Variants in CNTN5 observed in about 807,000 individuals in gnomAD.
The protein encoded by CNTN5 is contactin-5.
Under a neutral mutation model 129.1 loss-of-function variants are expected in CNTN5, and 77 were observed. That is an observed-to-expected ratio of 0.60 (90% CI 0.50 to 0.72). The LOEUF is 0.72. Ranked by LOEUF, CNTN5 falls within the 30% of genes least tolerant of loss-of-function variation. The probability of loss-of-function intolerance (pLI) is 0.00; values close to 1 mark genes in which losing one functional copy is unlikely to be tolerated. For missense variants in CNTN5, 1,478 were observed against 1,328.8 expected, an observed-to-expected ratio of 1.11 and a Z score of -1.75; for synonymous variants, 509 against 465.6, an observed-to-expected ratio of 1.09 and a Z score of -1.20.
chr11:99,961,714 T>A (rs1175988861), intron 8 of CNTN5, among the ~76,000 whole-genome samples: 1 of 152,204 alleles, frequency 6.6e-6, no homozygotes, highest in East Asian at 1.9e-4. Flanking sequence ...CTTAATAATA[T>A]GAATGAGCTT....
At chr11:99,819,316 TCCCCTCCC>T (rs1946700715) in intron 3 of CNTN5, among the ~76,000 whole-genome samples, 29 of 42,054 alleles carry the variant, frequency 6.9e-4, no homozygotes, top group South Asian at 2.1e-3. Context: ...TCCCCTCTCC[TCCCCTCCC>T]CTCCCCTCCC....
In CNTN5 at chr11:100,274,118, G is replaced by T. The variant is rs146046740; in HGVS notation, c.2314+2877G>T. ...ACAAATCTGACAAAAACAAGCACTGGGGAAAGGATACCCTATTCAATAAAT... is the reference window on the plus strand; with the variant it reads ...ACAAATCTGACAAAAACAAGCACTGTGGAAAGGATACCCTATTCAATAAAT... On this transcript the variant is annotated intron_variant, in intron 18 of 24. Transcript: ENST00000524871. Among the ~76,000 whole-genome samples the T allele has an allele frequency of 6.3e-3, 953 of 152,202 alleles. 16 individuals carry two copies. The highest frequency in any genetic ancestry group is 0.022 in the African/African-American group (900 of 41,530).
intron 1 of CNTN5, among the ~76,000 whole-genome samples, chr11:99,036,010 T>A (rs1228752875): frequency 1.3e-5 from 2 of 152,150 alleles, no homozygotes; most frequent in Non-Finnish European, 2.9e-5. Flanking sequence ...TAAAGTATTT[T>A]ATTTCTCCTT....
At chr11:99,912,882 T>C (rs1443203) in intron 6 of CNTN5, among the ~76,000 whole-genome samples, 150,959 of 152,092 alleles carry the variant, frequency 0.99, 74,929 homozygotes, top group Middle Eastern at 1. Flanking sequence ...AAGATATTTA[T>C]TTCAGTGTGT....
intron 3 of CNTN5, among the ~76,000 whole-genome samples, chr11:99,630,287 G>T (rs1790267): frequency 0.61 from 92,440 of 151,426 alleles, 29,060 homozygotes; most frequent in Admixed American, 0.73. Context: ...CACATAATAT[G>T]GTTGGAAAGA....
intron 2 of CNTN5, among the ~76,000 whole-genome samples, chr11:99,374,451 A>T (rs1005614125): frequency 6.6e-6 from 1 of 152,172 alleles, no homozygotes; most frequent in African/African-American, 2.4e-5. Context: ...TGGGAGGCCA[A>T]GGCCGGCGGA....
At chr11:99,445,319 T>A (rs1015109632) in intron 2 of CNTN5, among the ~76,000 whole-genome samples, 5 of 152,030 alleles carry the variant, frequency 3.3e-5, no homozygotes, top group Non-Finnish European at 7.4e-5. Context: ...TGGCAATAAG[T>A]AAGTTTATAA....
intron 16 of CNTN5, among the ~76,000 whole-genome samples, chr11:100,237,204 A>AAAAAG (rs1555046765): frequency 6.2e-4 from 92 of 149,128 alleles, no homozygotes; most frequent in Non-Finnish European, 6.4e-4. Flanking sequence ...AAAAAAAAAA[A>AAAAAG]AAAAGAAAAG....
intron 3 of CNTN5, among the ~76,000 whole-genome samples, chr11:99,786,929 G>C (rs182139982): frequency 6.6e-6 from 1 of 152,026 alleles, no homozygotes; most frequent in African/African-American, 2.4e-5. Flanking sequence ...TAAGAGAATC[G>C]ATACGCTATT....
intron 23 of CNTN5, among the ~76,000 whole-genome samples, chr11:100,342,289 A>G (rs961564057): frequency 6.6e-6 from 1 of 152,120 alleles, no homozygotes. Context: ...ACCCTTCCCC[A>G]AAAGACCATA....
chr11:100,269,341 T>C (rs146312349), intron 17 of CNTN5, among the ~76,000 whole-genome samples: 2 of 152,024 alleles, frequency 1.3e-5, no homozygotes, highest in African/African-American at 4.8e-5. Context: ...GGAAGAAAAA[T>C]AATTGCAGAC....
Position 100,097,755 on chromosome 11 carries a change from T to C in CNTN5, c.1580+23461T>C, listed in dbSNP as rs78455562. ...TAATAAATGTTGTGTTTCTTTAATT[T>C]TTAGGGACTGAGAGATTCATGCATT... On this transcript the variant is annotated intron_variant, in intron 13 of 24. Coordinates refer to ENST00000524871, the MANE Select transcript of CNTN5 (RefSeq NM_014361.4). Among the ~76,000 whole-genome samples, 488 of 152,236 alleles carry C rather than the reference T, an allele frequency of 3.2e-3. 2 individuals carry two copies. The highest frequency in any genetic ancestry group is 0.011 in the African/African-American group (470 of 41,566).
At chr11:99,678,229 T>C (rs1201088160) in intron 3 of CNTN5, among the ~76,000 whole-genome samples, 1 of 152,068 alleles carries the variant, frequency 6.6e-6, no homozygotes, top group Admixed American at 6.6e-5. Flanking sequence ...ACAAAAGAAC[T>C]TAACTACCTG....
At chr11:100,195,384 T>TA (rs1487695219) in intron 15 of CNTN5, among the ~76,000 whole-genome samples, 1 of 152,010 alleles carries the variant, frequency 6.6e-6, no homozygotes, top group Non-Finnish European at 1.5e-5. Flanking sequence ...TAGACATAGA[T>TA]ATGTTTAGGT....
chr11:99,757,634 G>T (rs1313566009), intron 3 of CNTN5, among the ~76,000 whole-genome samples: 1 of 151,906 alleles, frequency 6.6e-6, no homozygotes, highest in Non-Finnish European at 1.5e-5. Flanking sequence ...TCCAAATAAG[G>T]TCGTACTCTA....
intron 2 of CNTN5, among the ~76,000 whole-genome samples, chr11:99,336,051 T>G (rs1345358422): frequency 6.6e-6 from 1 of 152,130 alleles, no homozygotes; most frequent in African/African-American, 2.4e-5. Flanking sequence ...AAAAAAAACT[T>G]TTTGTTTTTA....
Position 100,356,234 on chromosome 11 carries a change from A to C in CNTN5, c.*14A>C. The C allele has an allele frequency of 6.4e-7, 1 of 1,567,052 alleles. No individual in the cohort carries two copies. Among genetic ancestry groups the C allele is most frequent in the Non-Finnish European group, 8.7e-7 (1 of 1,143,650 alleles). Reference sequence around the variant, plus strand: ...ACTTCCTGGTGAAAACTGCTGACTTAATTTGCTTTTGTTTGCTTTAGCTTG... The same window carrying C: ...ACTTCCTGGTGAAAACTGCTGACTTCATTTGCTTTTGTTTGCTTTAGCTTG... On this transcript the variant is annotated 3_prime_UTR_variant, in exon 25 of 25. Transcript: ENST00000524871.
chr11:99,184,814 A>G (rs1332060005), intron 1 of CNTN5, among the ~76,000 whole-genome samples: 2 of 152,114 alleles, frequency 1.3e-5, no homozygotes, highest in Non-Finnish European at 2.9e-5. Context: ...ACCTAAAAAT[A>G]GCAGTGGCTA....
intron 13 of CNTN5, among the ~76,000 whole-genome samples, chr11:100,175,090 G>C (rs1947923292): frequency 6.6e-6 from 1 of 152,040 alleles, no homozygotes; most frequent in Admixed American, 6.6e-5. Context: ...TGTTACCCTT[G>C]AGTTTCCTCT....
Sources: gnomAD v4.1 joint callset for allele counts (sites outside exome capture counted in the v4.1 genomes callset) on GRCh38, gnomAD v4.1.1 for gene constraint, MANE v1.5 for transcripts, NCBI Gene and HGNC (gene_info 2026-07-23, HGNC 2026-07-21) for gene names.